Variants in NEXMIF observed in about 807,000 individuals in gnomAD.
The protein encoded by NEXMIF is XLMR protein related to neurite extension.
Under a neutral mutation model 62.1 loss-of-function variants are expected in NEXMIF, and 8 were observed. The observed-to-expected ratio is 0.13, with a 90% CI of 0.08 to 0.23. NEXMIF has a LOEUF of 0.23. NEXMIF is among the 10% of genes least tolerant of loss of function. The pLI, the probability that NEXMIF is intolerant of heterozygous loss-of-function variation, is 1.00. For synonymous variants in NEXMIF, 404 were observed against 416.6 expected, an observed-to-expected ratio of 0.97 and a Z score of 0.37; for missense variants, 976 against 1,113.3, an observed-to-expected ratio of 0.88 and a Z score of 1.75.
intron 1 of NEXMIF, among the ~76,000 whole-genome samples, chrX:74,758,802 A>G (rs1160273246): frequency 8.9e-6 from 1 of 112,067 alleles, no homozygotes; most frequent in Non-Finnish European, 1.9e-5. Context: ...CCTATCTGCT[A>G]CTGATGAGCA....
At chrX:74,790,315 G>A (rs2080276135) in intron 1 of NEXMIF, among the ~76,000 whole-genome samples, 1 of 112,245 alleles carries the variant, frequency 8.9e-6, no homozygotes, top group East Asian at 2.7e-4. Context: ...TGAGGGCTCT[G>A]TTCTGTTCCA....
At chrX:74,916,649 C>T (rs188044755) in intron 1 of NEXMIF, among the ~76,000 whole-genome samples, 64 of 111,746 alleles carry the variant, frequency 5.7e-4, no homozygotes, top group African/African-American at 2.0e-3. Flanking sequence ...GCCCCTCTAC[C>T]TTGAACTTTT....
chrX:74,820,304 G>C lies in NEXMIF; in HGVS notation c.-47-74607C>G, dbSNP rs187586346. 3.2e-3 allele frequency among the ~76,000 whole-genome samples: 352 copies of C among 109,836 alleles called. 2 individuals carry two copies. Among genetic ancestry groups the C allele is most frequent in the African/African-American group, 0.011 (337 of 30,062 alleles). On this transcript the variant is annotated intron_variant, in intron 1 of 3. Transcript: ENST00000055682. ...TACCTATGTATCAAACCTGCACATTGTGCACATGTACCCTAGAACTTAAAG... is the reference window on the plus strand; with the variant it reads ...TACCTATGTATCAAACCTGCACATTCTGCACATGTACCCTAGAACTTAAAG...
intron 1 of NEXMIF, among the ~76,000 whole-genome samples, chrX:74,899,611 T>C (rs1034837256): frequency 3.6e-5 from 4 of 111,988 alleles, no homozygotes; most frequent in Non-Finnish European, 7.5e-5. Flanking sequence ...ATATCCCATG[T>C]TCATGGATTA....
At chrX:74,796,275 CAT>C (rs2080311389) in intron 1 of NEXMIF, among the ~76,000 whole-genome samples, 4 of 42,073 alleles carry the variant, frequency 9.5e-5, no homozygotes, top group Non-Finnish European at 1.2e-4. Context: ...TATATATATA[CAT>C]ATATATTATA....
Position 74,877,210 on chromosome X carries a change from T to C in NEXMIF, c.-48+47673A>G, listed in dbSNP as rs766001055. ...TGGTGGTGACAAAATCTCTCAGCAT[T>C]TGCTTATCTGTAAAGTATTTTATTT... On this transcript the variant is annotated intron_variant, in intron 1 of 3. Coordinates refer to ENST00000055682, the MANE Select transcript of NEXMIF (RefSeq NM_001008537.3). 7.2e-5 allele frequency among the ~76,000 whole-genome samples: 8 copies of C among 111,195 alleles called. No individual in the cohort carries two copies. In the East Asian group the frequency reaches 1.7e-3, roughly 24 times the overall value.
intron 3 of NEXMIF, 125 bp downstream of exon 3, chrX:74,739,975 G>T: frequency 1.8e-6 from 1 of 568,755 alleles, no homozygotes; most frequent in Non-Finnish European, 2.7e-6. Flanking sequence ...GAAAAAGAAG[G>T]GAATGGGACA....
At chrX:74,833,777 A>G (rs751438248) in intron 1 of NEXMIF, among the ~76,000 whole-genome samples, 6 of 111,321 alleles carry the variant, frequency 5.4e-5, no homozygotes, top group Non-Finnish European at 1.1e-4. Context: ...GAGGCTTGCA[A>G]ATACGATTTT....
intron 1 of NEXMIF, among the ~76,000 whole-genome samples, chrX:74,837,482 C>T (rs2080461079): frequency 8.9e-6 from 1 of 112,082 alleles, no homozygotes; most frequent in African/African-American, 3.2e-5. Flanking sequence ...GTAAATATTA[C>T]CTCCTAACAG....
chrX:74,813,355 GA>G (rs1013952681), intron 1 of NEXMIF, among the ~76,000 whole-genome samples: 5 of 110,894 alleles, frequency 4.5e-5, no homozygotes, highest in Admixed American at 9.6e-5. Context: ...AGGAAATTAA[GA>G]AAAAAAACAT....
At position 74,738,232 on chromosome X, in the gene NEXMIF, AG is replaced by A. The variant is rs1217872704; in HGVS notation, c.*1172del. ...TCAAATATTGGTTATCCTCAGACTA[AG>A]GGTATATGGCCCAAATCAGTTGTTG... On this transcript the variant is annotated 3_prime_UTR_variant, in exon 4 of 4. Transcript: ENST00000055682. 1 of 111,871 alleles carries A rather than the reference AG, an allele frequency of 8.9e-6. No homozygotes were observed. The highest frequency in any genetic ancestry group is 3.2e-5 in the African/African-American group (1 of 30,808). 9.2% of individuals were successfully genotyped at this position (111,871 alleles called of 1,213,427 possible).
At chrX:74,855,969 A>T (rs1255356135) in intron 1 of NEXMIF, among the ~76,000 whole-genome samples, 1 of 112,433 alleles carries the variant, frequency 8.9e-6, no homozygotes, top group Non-Finnish European at 1.9e-5. Context: ...ATTTGCAGAT[A>T]TGCTACATTG....
chrX:74,889,952 GTCTC>G (rs72364877), intron 1 of NEXMIF, among the ~76,000 whole-genome samples: 12,380 of 90,993 alleles, frequency 0.14, 1,421 homozygotes, highest in East Asian at 0.88. Flanking sequence ...AACCTAATCT[GTCTC>G]TCTCTCTCTC....
intron 1 of NEXMIF, among the ~76,000 whole-genome samples, chrX:74,755,365 T>G (rs1364199087): frequency 8.9e-6 from 1 of 111,896 alleles, no homozygotes; most frequent in Non-Finnish European, 1.9e-5. Flanking sequence ...GAGGTAGGCA[T>G]GTACTTGGCA....
intron 1 of NEXMIF, among the ~76,000 whole-genome samples, chrX:74,921,076 A>G (rs918762205): frequency 4.5e-5 from 5 of 111,891 alleles, no homozygotes; most frequent in African/African-American, 6.5e-5. Flanking sequence ...ATAATTGTGT[A>G]CATAGTATTA....
At chrX:74,818,531 A>G (rs1209264855) in intron 1 of NEXMIF, among the ~76,000 whole-genome samples, 2 of 111,755 alleles carry the variant, frequency 1.8e-5, no homozygotes, top group African/African-American at 6.5e-5. Context: ...AGAAAATACC[A>G]TTCTGAACAC....
intron 1 of NEXMIF, among the ~76,000 whole-genome samples, chrX:74,884,703 T>G (rs1356739170): frequency 9.0e-6 from 1 of 111,512 alleles, no homozygotes; most frequent in African/African-American, 3.3e-5. Flanking sequence ...AATGGGAGAT[T>G]TTAACACCCC....
intron 1 of NEXMIF, among the ~76,000 whole-genome samples, chrX:74,810,762 C>T (rs187259825): frequency 6.6e-4 from 73 of 111,235 alleles, no homozygotes; most frequent in Non-Finnish European, 1.1e-3. Flanking sequence ...TTAACAACTT[C>T]GAAGAATCAT....
chrX:74,871,370 G>C (rs776902674), intron 1 of NEXMIF, among the ~76,000 whole-genome samples: 19 of 111,353 alleles, frequency 1.7e-4, no homozygotes, highest in Admixed American at 2.9e-4. Context: ...GGCAATAAAA[G>C]ATCAAAAGGC....
Sources: gnomAD v4.1 joint callset for allele counts (sites outside exome capture counted in the v4.1 genomes callset) on GRCh38, gnomAD v4.1.1 for gene constraint, MANE v1.5 for transcripts, NCBI Gene and HGNC (gene_info 2026-07-23, HGNC 2026-07-21) for gene names.